LILRA5: variants seen among roughly 807,000 people sequenced by gnomAD.
LILRA5 encodes leukocyte immunoglobulin like receptor A5, also known as leukocyte immunoglobulin-like receptor subfamily A member 5.
LILRA5 carries 31 observed loss-of-function variants against 36.3 expected under a neutral mutation model. That is an observed-to-expected ratio of 0.85 (90% CI 0.64 to 1.15). The LOEUF (loss-of-function observed/expected upper bound fraction) is 1.15, where lower values mean the gene tolerates loss of function less well. LILRA5 is among the 50% of genes most tolerant of loss of function. LILRA5 has a pLI of 0.00. For missense variants in LILRA5, 348 were observed against 377.4 expected, an observed-to-expected ratio of 0.92 and a Z score of 0.64; for synonymous variants, 144 against 144.8, an observed-to-expected ratio of 0.99 and a Z score of 0.04.
In LILRA5 at chr19:54,311,411, C is replaced by A; in HGVS notation, c.712+3G>T. ...GTACTAGAGAAGACTGTGGCTTCCT[C>A]ACCTGAGACCGGAATCTCCAGGAGG... On this transcript the variant is annotated splice_donor_region_variant and intron_variant, in intron 5 of 6. Transcript: ENST00000432233. 5 of 1,614,224 alleles carry A rather than the reference C, an allele frequency of 3.1e-6. No individual in the cohort carries two copies. The highest frequency in any genetic ancestry group is 4.2e-6 in the Non-Finnish European group (5 of 1,180,036).
intron 2 of LILRA5, 55 bp from the exon 3 acceptor site, chr19:54,312,425 C>T (rs1422811304): frequency 6.2e-7 from 1 of 1,614,094 alleles, no homozygotes; most frequent in African/African-American, 1.3e-5. Context: ...CAGGTCCTCC[C>T]CTGCCTGGGA....
rs2081043952 is a variant in LILRA5, at chr19:54,312,489, G to T, written c.88+48C>A. 3 of 1,613,620 alleles carry T rather than the reference G, an allele frequency of 1.9e-6. 1 individual carries two copies. The South Asian group carries it at 3.3e-5, about 18-fold the overall frequency. On this transcript the variant is annotated intron_variant, in intron 2 of 6. Transcript: ENST00000432233. ...AGACAAGGGCCTCGTTATGGGGTGG[G>T]GTCCCTCCCAGACTAGGGTGCCCCT...
At chr19:54,308,369 A>C (rs1414994145) in intron 5 of LILRA5, 1 of 30,576 alleles carries the variant, frequency 3.3e-5, no homozygotes, top group Non-Finnish European at 5.5e-5. Flanking sequence ...ATATATATAT[A>C]TATATATATA....
At chr19:54,308,195 A>C in intron 5 of LILRA5, 1 of 171,214 alleles carries the variant, frequency 5.8e-6, no homozygotes, top group Non-Finnish European at 1.3e-5. Context: ...AGAATCACAA[A>C]CAGCTGCCTC....
chr19:54,312,431 T>A, intron 2 of LILRA5, 61 bp from the exon 3 acceptor site: 1 of 1,614,162 alleles, frequency 6.2e-7, no homozygotes, highest in South Asian at 1.1e-5. Context: ...CTCCCCTGCC[T>A]GGGAACCTCC....
rs142332026 is a variant in LILRA5, at chr19:54,312,832, G to A, written c.3+185C>T. ...GACAGAAGTGGGGTCTCCCTTCCCC[G>A]GGCCACTGTCTGCCTGATTTATCTT... On this transcript the variant is annotated intron_variant, in intron 1 of 6. Transcript: ENST00000432233. The A allele has an allele frequency of 4.6e-3, 3,818 of 823,254 alleles. 14 individuals carry two copies. The highest frequency in any genetic ancestry group is 0.011 in the Middle Eastern group (32 of 2,898). The allele number at this position is 823,254 out of a possible 1,614,324, so 51.0% of individuals were successfully genotyped here.
chr19:54,307,795 T>A (rs774703579), intron 5 of LILRA5, 47 bp from the exon 6 acceptor site: 13 of 1,539,262 alleles, frequency 8.4e-6, no homozygotes, highest in Admixed American at 1.7e-5. Context: ...CTTGAAGCAA[T>A]CTGAGCCCAG....
At chr19:54,312,897 G>T (rs375586811) in intron 1 of LILRA5, 120 bp downstream of exon 1, 9 of 1,267,718 alleles carry the variant, frequency 7.1e-6, no homozygotes, top group Admixed American at 7.0e-5. Context: ...AAATAGACCC[G>T]GTGCCTTCCT....
chr19:54,311,731 G>A lies in LILRA5; in HGVS notation c.410-15C>T, dbSNP rs952898160. ...GTTGTAGAATCCTAGGAGAGAAGGA[G>A]GCACCGTGTTAAATGGGGCTCCCAC... On this transcript the variant is annotated splice_polypyrimidine_tract_variant and intron_variant, in intron 4 of 6. Coordinates refer to ENST00000432233, the MANE Select transcript of LILRA5 (RefSeq NM_021250.4). 8.7e-6 allele frequency: 14 copies of A among 1,610,802 alleles called. No individual in the cohort carries two copies. The highest frequency in any genetic ancestry group is 1.1e-5 in the Non-Finnish European group (13 of 1,177,238).
intron 5 of LILRA5, chr19:54,309,456 C>G (rs1321560785): frequency 1.3e-5 from 2 of 152,142 alleles, no homozygotes; most frequent in African/African-American, 4.8e-5. Context: ...CAGAGCAAGA[C>G]TCCATCTCAA....
In LILRA5 at chr19:54,312,819, G is replaced by A. The variant is rs993150935; in HGVS notation, c.3+198C>T. 15 of 791,418 alleles carry A rather than the reference G, an allele frequency of 1.9e-5. No individual in the cohort carries two copies. In the African/African-American group the frequency reaches 2.6e-4, roughly 14 times the overall value. The allele number at this position is 791,418 out of a possible 1,614,324, so 49.0% of individuals were successfully genotyped here. A position where few individuals can be genotyped will look rare whatever the true frequency, so the allele number is the denominator to read the frequency against. ...TGCAGACATTTCAGACAGAAGTGGG[G>A]TCTCCCTTCCCCGGGCCACTGTCTG... On this transcript the variant is annotated intron_variant, in intron 1 of 6. Transcript: ENST00000432233.
At chr19:54,310,818 A>T in intron 5 of LILRA5, 2 of 245,278 alleles carry the variant, frequency 8.2e-6, no homozygotes, top group South Asian at 9.1e-5. Flanking sequence ...GGTTCTCTCC[A>T]GGGACCACAA....
Position 54,311,551 on chromosome 19 carries a change from C to A in LILRA5, c.575G>T (p.Ser192Ile). ...SWTLDSQLTPSGQFQALFPVG... is the reference protein window; with the variant it reads ...SWTLDSQLTPIGQFQALFPVG... ...AGGGAACAGGGCCTGGAACTGCCCA[C>A]TGGGGGTCAGCTGTGAGTCCAAGGT... is the stretch of plus-strand genomic sequence containing the variant. Residue 192 changes from serine to isoleucine, a missense_variant, in exon 5 of 7, where the codon AGT becomes ATT. Ser to Ile is a moderately radical substitution (Grantham distance 142). Coordinates refer to ENST00000432233, the MANE Select transcript of LILRA5 (RefSeq NM_021250.4). 1 of 1,614,212 alleles carries A rather than the reference C, an allele frequency of 6.2e-7. No individual in the cohort carries two copies. The highest frequency in any genetic ancestry group is 2.2e-5 in the East Asian group (1 of 44,878).
intron 5 of LILRA5, chr19:54,308,465 A>G (rs2080943099): frequency 6.9e-6 from 1 of 145,908 alleles, no homozygotes; most frequent in Non-Finnish European, 1.5e-5. Flanking sequence ...GTGGTGGCTC[A>G]TGCCTGTAAT....
At chr19:54,312,480 A>T (rs2081043517) in intron 2 of LILRA5, 57 bp downstream of exon 2, 1 of 1,613,764 alleles carries the variant, frequency 6.2e-7, no homozygotes, top group African/African-American at 1.3e-5. Context: ...GGGCCTCGTT[A>T]TGGGGTGGGG....
At chr19:54,307,587 C>A (rs377253147) in intron 6 of LILRA5, 38 bp from the exon 7 acceptor site, 1 of 1,613,736 alleles carries the variant, frequency 6.2e-7, no homozygotes, top group Non-Finnish European at 8.5e-7. Context: ...GAGGTCAGGG[C>A]AGATCAGTAT....
At chr19:54,312,415 C>A (rs1269721778) in intron 2 of LILRA5, 45 bp from the exon 3 acceptor site, 21 of 1,614,096 alleles carry the variant, frequency 1.3e-5, no homozygotes, top group Non-Finnish European at 1.7e-5. Flanking sequence ...GAAGCCTGAG[C>A]AGGTCCTCCC....
intron 5 of LILRA5, chr19:54,310,016 C>T (rs2080976518): frequency 1.3e-5 from 4 of 311,892 alleles, no homozygotes; most frequent in Non-Finnish European, 6.4e-6. Flanking sequence ...TCTAAAGGAG[C>T]AGGTCTGGCG....
At position 54,312,593 on chromosome 19, in the gene LILRA5, A is replaced by G. The variant is rs745362114; in HGVS notation, c.32T>C (p.Leu11Pro). Residue 11 changes from leucine (L) to proline (P), a missense_variant, in exon 2 of 7, where the codon CTG (leucine) becomes CCG (proline). Leu to Pro is a moderately conservative substitution (Grantham distance 98). Coordinates refer to ENST00000432233, the MANE Select transcript of LILRA5 (RefSeq NM_021250.4). MAPWSHPSAQ[L>P]QPVGGDAVSP... ...CACGGCGTCTCCTCCCACTGGCTGC[A>G]GCTGTGCAGATGGATGAGACCATGG... 3.7e-5 allele frequency: 60 copies of G among 1,614,094 alleles called. No homozygotes were observed. Among genetic ancestry groups the G allele is most frequent in the Non-Finnish European group, 4.3e-5 (51 of 1,180,040 alleles).
Sources: gnomAD v4.1 joint callset for allele counts on GRCh38, gnomAD v4.1.1 for gene constraint, MANE v1.5 for transcripts, NCBI Gene and HGNC (gene_info 2026-07-23, HGNC 2026-07-21) for gene names.